USP46: variants seen among roughly 807,000 people sequenced by gnomAD.
USP46 encodes the protein ubiquitin carboxyl-terminal hydrolase 46.
Under a neutral mutation model 44.4 loss-of-function variants are expected in USP46, and 12 were observed. The observed-to-expected ratio is 0.27, with a 90% CI of 0.17 to 0.44. The LOEUF is 0.44. Ranked by LOEUF, USP46 falls within the 20% of genes least tolerant of loss-of-function variation. The pLI is 1.00. For synonymous variants in USP46, 155 were observed against 161.5 expected, an observed-to-expected ratio of 0.96 and a Z score of 0.31; for missense variants, 248 against 444.8, an observed-to-expected ratio of 0.56 and a Z score of 3.98.
In USP46 at chr4:52,597,660, A is replaced by C; in HGVS notation, c.1081T>G (p.Phe361Val). 6.3e-7 allele frequency: 1 copy of C among 1,591,798 alleles called. No individual in the cohort carries two copies. The highest frequency in any genetic ancestry group is 8.6e-7 in the Non-Finnish European group (1 of 1,167,608). The part of the protein sequence containing the change: ...SKNSESGYIL[F>V]YQSRE ...TTCAGTTACTCTCTTGACTGATAGA[A>C]TAAAATATATCCAGATTCTGAATTT... The change falls in exon 9 of 9, where the codon TTC (phenylalanine) becomes GTC (valine). Residue 361 changes from phenylalanine (F) to valine (V), a missense_variant. Around this residue, in one of 5 missense-constraint regions of USP46, gnomAD observed 28 missense variants for 28.5 expected, o/e 0.98. Coordinates refer to ENST00000441222, the MANE Select transcript of USP46 (RefSeq NM_022832.4).
At chr4:52,614,310 T>C (rs1261264102) in intron 4 of USP46, among the ~76,000 whole-genome samples, 1 of 152,102 alleles carries the variant, frequency 6.6e-6, no homozygotes, top group Non-Finnish European at 1.5e-5. Context: ...CATCCATTAA[T>C]AGATTCAAGA....
At chr4:52,599,894 G>C (rs762969545) in intron 7 of USP46, among the ~76,000 whole-genome samples, 1 of 151,962 alleles carries the variant, frequency 6.6e-6, no homozygotes, top group Non-Finnish European at 1.5e-5. Flanking sequence ...CATATTATGG[G>C]CCTTTGCATT....
chr4:52,626,905 A>G (rs1485693975), intron 3 of USP46, among the ~76,000 whole-genome samples: 3 of 152,216 alleles, frequency 2.0e-5, no homozygotes, highest in African/African-American at 7.2e-5. Flanking sequence ...TGATCAATTA[A>G]TTATTCATTG....
intron 4 of USP46, among the ~76,000 whole-genome samples, chr4:52,618,062 G>T (rs1462608755): frequency 1.3e-5 from 2 of 152,178 alleles, no homozygotes; most frequent in Non-Finnish European, 2.9e-5. Context: ...TAAATCATGA[G>T]CTTTGCTAAA....
intron 5 of USP46, among the ~76,000 whole-genome samples, chr4:52,609,633 A>AGCCGAGTT (rs1396936095): frequency 6.6e-6 from 1 of 152,162 alleles, no homozygotes; most frequent in Non-Finnish European, 1.5e-5. Context: ...ATGTTAGGGC[A>AGCCGAGTT]GGTATAGCCG....
intron 5 of USP46, among the ~76,000 whole-genome samples, chr4:52,605,503 TA>T (rs1716652777): frequency 6.6e-6 from 1 of 152,208 alleles, no homozygotes; most frequent in Non-Finnish European, 1.5e-5. Flanking sequence ...CAGATTTTAT[TA>T]AACAGAAAAT....
intron 1 of USP46, chr4:52,656,708 C>T (rs1437367480): frequency 2.0e-6 from 1 of 502,732 alleles, no homozygotes; most frequent in Non-Finnish European, 2.6e-6. Flanking sequence ...AAGTCTAAGA[C>T]CGGACAACTT....
At chr4:52,632,938 A>G (rs1451341986) in intron 1 of USP46, among the ~76,000 whole-genome samples, 3 of 69,078 alleles carry the variant, frequency 4.3e-5, no homozygotes, top group African/African-American at 7.4e-5. Context: ...GAAAGAAAGA[A>G]AGAAAGAAAG....
chr4:52,635,073 A>ACTT (rs1490517371), intron 1 of USP46, among the ~76,000 whole-genome samples: 1 of 145,200 alleles, frequency 6.9e-6, no homozygotes, highest in East Asian at 2.0e-4. Context: ...GGCTGCTTCT[A>ACTT]CTTCTTCTTT....
chr4:52,622,333 T>A (rs1560400379), intron 4 of USP46, among the ~76,000 whole-genome samples: 1 of 152,208 alleles, frequency 6.6e-6, no homozygotes, highest in Non-Finnish European at 1.5e-5. Flanking sequence ...CATATACTTC[T>A]TTAAAAAAAT....
chr4:52,634,083 C>T (rs1420470260), intron 1 of USP46, among the ~76,000 whole-genome samples: 1 of 152,086 alleles, frequency 6.6e-6, no homozygotes, highest in Non-Finnish European at 1.5e-5. Flanking sequence ...CCATGACACC[C>T]TTACCCTCTT....
At chr4:52,648,482 G>T (rs190478422) in intron 1 of USP46, among the ~76,000 whole-genome samples, 1 of 152,212 alleles carries the variant, frequency 6.6e-6, no homozygotes, top group African/African-American at 2.4e-5. Flanking sequence ...ACAGATTTAA[G>T]GAAAACTAAG....
At chr4:52,632,981 AAAGAAAAGAAAAGAAAG>A (rs1560406104) in intron 1 of USP46, among the ~76,000 whole-genome samples, 7 of 63,414 alleles carry the variant, frequency 1.1e-4, no homozygotes, top group African/African-American at 5.6e-4. Context: ...AGAAAGAAAG[AAAGAAAAGAAAAGAAAG>A]AAAGAAAGAA....
chr4:52,628,572 G>A (rs377328500), intron 2 of USP46, among the ~76,000 whole-genome samples: 4 of 152,186 alleles, frequency 2.6e-5, no homozygotes, highest in South Asian at 4.1e-4. Flanking sequence ...CCCATGACAG[G>A]GAAAATAAAA....
At chr4:52,602,664 C>T (rs1172729346) in intron 6 of USP46, among the ~76,000 whole-genome samples, 1 of 152,198 alleles carries the variant, frequency 6.6e-6, no homozygotes, top group Non-Finnish European at 1.5e-5. Flanking sequence ...ATTTCACAAA[C>T]TGGGCTCAGG....
At chr4:52,658,853 C>CG (rs1288026560) in intron 1 of USP46, among the ~76,000 whole-genome samples, 4 of 151,926 alleles carry the variant, frequency 2.6e-5, no homozygotes, top group African/African-American at 4.8e-5. Context: ...AACCCGAGGG[C>CG]GGGGGGCGCA....
chr4:52,626,037 C>A lies in USP46; in HGVS notation c.542G>T (p.Arg181Leu). 1 of 1,613,762 alleles carries A rather than the reference C, an allele frequency of 6.2e-7. No individual in the cohort carries two copies. Among genetic ancestry groups the A allele is most frequent in the Non-Finnish European group, 8.5e-7 (1 of 1,179,840 alleles). Residue 181 changes from arginine to leucine, a missense_variant, in exon 4 of 9, where the codon CGA becomes CTA. Transcript: ENST00000441222. ...IFQGTLTNETRCLNCETVSSK... is the reference protein window; with the variant it reads ...IFQGTLTNETLCLNCETVSSK... ...ACTTACAGTTTCACAGTTCAAGCAT[C>A]GAGTTTCATTGGTAAGCGTTCCCTG... is the stretch of plus-strand genomic sequence containing the variant.
rs1237506879 is a variant in USP46 at position 52,595,391 on chromosome 4, T to C, written c.*2249A>G. The C allele has an allele frequency of 3.3e-5, 5 of 152,794 alleles. No homozygotes were observed. In the East Asian group the frequency reaches 7.7e-4, roughly 24 times the overall value. 9.5% of individuals were successfully genotyped at this position (152,794 alleles called of 1,614,324 possible). ...TAAATTTTAAAAAGCTGATGGAGTG[T>C]TGCTGGAGAAGTGTGTTTTGGTCTT... On this transcript the variant is annotated 3_prime_UTR_variant, in exon 9 of 9. Coordinates refer to ENST00000441222, the MANE Select transcript of USP46 (RefSeq NM_022832.4).
chr4:52,639,867 T>G (rs1026813681), intron 1 of USP46, among the ~76,000 whole-genome samples: 2 of 147,812 alleles, frequency 1.4e-5, no homozygotes, highest in Non-Finnish European at 3.0e-5. Context: ...TGGGTTTTTT[T>G]TTTTTTTTTT....
Sources: gnomAD v4.1 joint callset for allele counts (sites outside exome capture counted in the v4.1 genomes callset) on GRCh38, gnomAD v4.1.1 for gene constraint, gnomAD v4.1.1 regional missense constraint, MANE v1.5 for transcripts, NCBI Gene and HGNC (gene_info 2026-07-23, HGNC 2026-07-21) for gene names.